The following WASHC5 variants were observed in gnomAD, a reference collection of about 807,000 sequenced individuals.
The protein encoded by WASHC5 is WASH complex subunit 5, also known as WASH complex subunit strumpellin.
Under a neutral mutation model 150.4 loss-of-function variants are expected in WASHC5, and 101 were observed. The ratio of observed to expected loss-of-function variants is 0.67; its 90% CI spans 0.57 to 0.79. WASHC5 has a LOEUF of 0.79. WASHC5 is among the 30% of genes least tolerant of loss of function. WASHC5 has a pLI of 0.00. For synonymous variants in WASHC5, 467 were observed against 491.2 expected (o/e 0.95, Z 0.65); for missense variants, 1,195 against 1,396.3 (o/e 0.86, Z 2.30).
intron 10 of WASHC5, among the ~76,000 whole-genome samples, chr8:125,066,324 A>C (rs76674347): frequency 0.026 from 3,998 of 152,278 alleles, 183 homozygotes; most frequent in African/African-American, 0.092. Flanking sequence ...TATCCTCAGA[A>C]ACCTAGAAGA....
chr8:125,044,997 T>C (rs1487176896), intron 20 of WASHC5: 1 of 411,008 alleles, frequency 2.4e-6, no homozygotes, highest in Non-Finnish European at 4.6e-6. Context: ...AAGGTTAGGT[T>C]CAGCTGTCAG....
At chr8:125,083,614 T>C (rs1817337248) in intron 2 of WASHC5, 99 bp downstream of exon 2, 2 of 965,242 alleles carry the variant, frequency 2.1e-6, no homozygotes, top group East Asian at 5.2e-5. Flanking sequence ...CTCTTTAGCT[T>C]TTTCCATAAT....
intron 28 of WASHC5, among the ~76,000 whole-genome samples, chr8:125,028,240 C>T (rs1405597618): frequency 6.6e-6 from 1 of 152,192 alleles, no homozygotes; most frequent in East Asian, 1.9e-4. Flanking sequence ...GTGGCATGAA[C>T]TTAACTGTGC....
intron 23 of WASHC5, among the ~76,000 whole-genome samples, chr8:125,041,296 A>C (rs1332391095): frequency 6.6e-6 from 1 of 152,202 alleles, no homozygotes. Context: ...ATTATAATGC[A>C]AGCAGCAATA....
chr8:125,073,493 T>C (rs780616994), intron 8 of WASHC5, among the ~76,000 whole-genome samples, 169 bp from the exon 9 acceptor site: 3 of 152,164 alleles, frequency 2.0e-5, no homozygotes, highest in Non-Finnish European at 2.9e-5. Flanking sequence ...GAATGACATA[T>C]GGACTACAGT....
chr8:125,043,238 G>A (rs540751083), intron 23 of WASHC5, among the ~76,000 whole-genome samples: 2 of 152,326 alleles, frequency 1.3e-5, no homozygotes, highest in African/African-American at 4.8e-5. Flanking sequence ...AAGATGCAGG[G>A]GTCCCTGGGA....
At chr8:125,062,421 C>A (rs911484662) in intron 11 of WASHC5, among the ~76,000 whole-genome samples, 1 of 152,142 alleles carries the variant, frequency 6.6e-6, no homozygotes, top group African/African-American at 2.4e-5. Context: ...GCCTAAAAGA[C>A]ACTATCACAG....
intron 8 of WASHC5, among the ~76,000 whole-genome samples, chr8:125,074,642 A>G (rs751932315): frequency 6.6e-6 from 1 of 152,210 alleles, no homozygotes; most frequent in Non-Finnish European, 1.5e-5. Flanking sequence ...CATCTTCATC[A>G]TTCATCCTAC....
At chr8:125,039,108 G>A (rs1815806914) in intron 24 of WASHC5, 149 bp from the exon 25 acceptor site, 1 of 911,280 alleles carries the variant, frequency 1.1e-6, no homozygotes, top group Non-Finnish European at 1.7e-6. Context: ...AACCATGCCT[G>A]TGATTGGTTT....
At chr8:125,078,401 A>G (rs1817126424) in intron 6 of WASHC5, among the ~76,000 whole-genome samples, 1 of 152,224 alleles carries the variant, frequency 6.6e-6, no homozygotes, top group Non-Finnish European at 1.5e-5. Context: ...CAGTAGGGGC[A>G]GGGACATGGC....
At position 125,056,644 on chromosome 8, in the gene WASHC5, T is replaced by C. The variant is rs2303522; in HGVS notation, c.2016+33A>G. On this transcript the variant is annotated intron_variant, in intron 16 of 28. Coordinates refer to ENST00000318410, the MANE Select transcript of WASHC5 (RefSeq NM_014846.4). ...ATATTTCATGACTGTTAGTTTTTAA[T>C]ATGAAAAGGCAGAAGTCAGAGGGAC... The C allele has an allele frequency of 0.21, 336,640 of 1,612,470 alleles. 38,222 individuals carry two copies. The highest frequency in any genetic ancestry group is 0.42 in the Admixed American group (25,213 of 59,988).
chr8:125,037,160 C>G, intron 26 of WASHC5, 77 bp downstream of exon 26: 1 of 861,352 alleles, frequency 1.2e-6, no homozygotes, highest in Non-Finnish European at 2.0e-6. Flanking sequence ...CATAGGCATT[C>G]TATACAAAAA....
chr8:125,044,908 T>A, intron 20 of WASHC5: 1 of 599,420 alleles, frequency 1.7e-6, no homozygotes, highest in African/African-American at 1.8e-5. Context: ...CCCCTTTTCC[T>A]GCCCTATGCC....
intron 20 of WASHC5, 71 bp from the exon 21 acceptor site, chr8:125,044,769 C>T: frequency 6.9e-7 from 1 of 1,454,344 alleles, no homozygotes. Context: ...TAGGACTCAA[C>T]AGGACATGCG....
intron 20 of WASHC5, among the ~76,000 whole-genome samples, chr8:125,046,312 T>C (rs1816067251): frequency 6.6e-6 from 1 of 152,204 alleles, no homozygotes; most frequent in Non-Finnish European, 1.5e-5. Context: ...GGAGGAAAAC[T>C]GGCTCAGCTG....
intron 14 of WASHC5, among the ~76,000 whole-genome samples, chr8:125,059,005 G>A (rs570556100): frequency 7.2e-5 from 11 of 152,244 alleles, no homozygotes; most frequent in South Asian, 4.1e-4. Flanking sequence ...TAGTATTCCT[G>A]AAGACATTCC....
At chr8:125,041,239 G>C (rs967786651) in intron 23 of WASHC5, among the ~76,000 whole-genome samples, 7 of 152,082 alleles carry the variant, frequency 4.6e-5, no homozygotes, top group Non-Finnish European at 1.0e-4. Flanking sequence ...ATTCCTAAAA[G>C]ACTGGCAAAG....
intron 17 of WASHC5, among the ~76,000 whole-genome samples, chr8:125,052,313 G>T (rs1210837410): frequency 6.6e-6 from 1 of 152,018 alleles, no homozygotes; most frequent in Non-Finnish European, 1.5e-5. Flanking sequence ...AATCCTTCCC[G>T]CATTCTCACT....
rs750613545 is a variant in WASHC5 at position 125,044,554 on chromosome 8, C to T, written c.2649G>A (p.Met883Ile). ...LNGLDRLLCFMIVKELQNFLS... is the reference protein window; with the variant it reads ...LNGLDRLLCFIIVKELQNFLS... ...GGCTCACCTGTAACTCTTTTACAAT[C>T]ATAAAGCACAGAAGCCTGTCTAAGC... is the stretch of plus-strand genomic sequence containing the variant. Residue 883 changes from methionine to isoleucine, a missense_variant, in exon 21 of 29, where the codon ATG (methionine) becomes ATA (isoleucine). Transcript: ENST00000318410. 1 of 1,614,058 alleles carries T rather than the reference C, an allele frequency of 6.2e-7. No individual in the cohort carries two copies.
Sources: gnomAD v4.1 joint callset for allele counts (sites outside exome capture counted in the v4.1 genomes callset) on GRCh38, gnomAD v4.1.1 for gene constraint, MANE v1.5 for transcripts, NCBI Gene and HGNC (gene_info 2026-07-23, HGNC 2026-07-21) for gene names.